STXBP5: variants seen among roughly 807,000 people sequenced by gnomAD.
STXBP5 encodes syntaxin binding protein 5, also known as syntaxin-binding protein 5.
Under a neutral mutation model 152.4 loss-of-function variants are expected in STXBP5, and 50 were observed. The observed-to-expected ratio is 0.33, with a 90% CI of 0.26 to 0.42. The LOEUF (loss-of-function observed/expected upper bound fraction) is 0.42. STXBP5 is among the 10% of genes least tolerant of loss of function. The probability of loss-of-function intolerance (pLI) is 1.00; values close to 1 mark genes in which losing one functional copy is unlikely to be tolerated. For synonymous variants in STXBP5, 492 were observed against 494.7 expected (o/e 0.99, Z 0.07); for missense variants, 1,167 against 1,388.6 (o/e 0.84, Z 2.54).
chr6:147,259,336 G>A (rs1207754091), intron 4 of STXBP5, among the ~76,000 whole-genome samples: 1 of 152,148 alleles, frequency 6.6e-6, no homozygotes, highest in Non-Finnish European at 1.5e-5. Context: ...TATTGAGAAA[G>A]TGAGCCTTGT....
In STXBP5 at chr6:147,234,170, G is replaced by A. The variant is rs1267833992; in HGVS notation, c.249-1080G>A. 2.6e-5 allele frequency among the ~76,000 whole-genome samples: 4 copies of A among 151,786 alleles called. No homozygotes were observed. In the East Asian group the frequency reaches 7.7e-4, roughly 29 times the overall value. ...TACCTGAATGTGAATTTATATACTG[G>A]CAACTATAATTTTATTAAATCCCAC... On this transcript the variant is annotated intron_variant, in intron 2 of 27. Coordinates refer to ENST00000321680, the MANE Select transcript of STXBP5 (RefSeq NM_001127715.4).
At chr6:147,367,303 A>G (rs572920935) in intron 25 of STXBP5, among the ~76,000 whole-genome samples, 2 of 152,334 alleles carry the variant, frequency 1.3e-5, no homozygotes, top group African/African-American at 2.4e-5. Context: ...ATATTAGGAA[A>G]GAAGGAGGTC....
intron 21 of STXBP5, among the ~76,000 whole-genome samples, chr6:147,341,638 G>A (rs1006194686): frequency 1.3e-5 from 2 of 151,988 alleles, no homozygotes; most frequent in African/African-American, 2.4e-5. Flanking sequence ...CCTGTTCTTC[G>A]AGAGTAACTG....
intron 4 of STXBP5, among the ~76,000 whole-genome samples, chr6:147,259,779 A>G (rs952873502): frequency 6.6e-6 from 1 of 151,756 alleles, no homozygotes; most frequent in African/African-American, 2.4e-5. Flanking sequence ...TTCACAAGAT[A>G]CCTTTTTTTT....
In STXBP5 at chr6:147,213,477, T is replaced by TGTGCGC; in HGVS notation, c.248+7410_248+7411insTGCGCG. On this transcript the variant is annotated intron_variant, in intron 2 of 27. Coordinates refer to ENST00000321680, the MANE Select transcript of STXBP5 (RefSeq NM_001127715.4). Reference sequence around the variant, plus strand: ...GTGTGTGTGTGTGTGTGTGTGTGTGTGCGCGCGCATATATATATTTTTTCT... The same window carrying TGTGCGC: ...GTGTGTGTGTGTGTGTGTGTGTGTGTGTGCGCGCGCGCGCATATATATATTTTTTCT... Among the ~76,000 whole-genome samples, 267 of 131,300 alleles carry TGTGCGC rather than the reference T, an allele frequency of 2.0e-3. 1 individual carries two copies. Among genetic ancestry groups the TGTGCGC allele is most frequent in the African/African-American group, 6.8e-3 (212 of 31,344 alleles). The allele number at this position is 131,300 out of a possible 152,430, so 86.1% of individuals were successfully genotyped here. A position where few individuals can be genotyped will look rare whatever the true frequency, so the allele number is the denominator to read the frequency against.
At position 147,206,584 on chromosome 6, in the gene STXBP5, G is replaced by GT. The variant is rs143404211; in HGVS notation, c.248+518dup. 8.5e-3 allele frequency among the ~76,000 whole-genome samples: 1,298 copies of GT among 152,192 alleles called. 23 individuals carry two copies. The highest frequency in any genetic ancestry group is 0.029 in the African/African-American group (1,196 of 41,544). Reference sequence around the variant, plus strand: ...AATTTTCTATGAATAGTTATAAATGGTTAATATTTCTACCAGTTTTTAGAG... The same window carrying GT: ...AATTTTCTATGAATAGTTATAAATGGTTTAATATTTCTACCAGTTTTTAGAG... On this transcript the variant is annotated intron_variant, in intron 2 of 27. Coordinates refer to ENST00000321680, the MANE Select transcript of STXBP5 (RefSeq NM_001127715.4).
intron 2 of STXBP5, among the ~76,000 whole-genome samples, chr6:147,224,655 TTAG>T (rs1360713850): frequency 1.3e-5 from 2 of 152,196 alleles, no homozygotes; most frequent in Admixed American, 1.3e-4. Context: ...TTTTTTATCA[TTAG>T]TAGGATAAAT....
intron 2 of STXBP5, among the ~76,000 whole-genome samples, chr6:147,234,824 A>T (rs762390576): frequency 6.6e-6 from 1 of 152,016 alleles, no homozygotes; most frequent in Admixed American, 6.6e-5. Context: ...AATCATTACT[A>T]TTCCTAAAAG....
At chr6:147,261,516 C>G (rs1004687359) in intron 5 of STXBP5, among the ~76,000 whole-genome samples, 1 of 151,864 alleles carries the variant, frequency 6.6e-6, no homozygotes, top group African/African-American at 2.4e-5. Flanking sequence ...TGGTATTTAC[C>G]TCTTTTTGAG....
intron 8 of STXBP5, among the ~76,000 whole-genome samples, chr6:147,289,407 A>G (rs1045248574): frequency 6.6e-6 from 1 of 152,212 alleles, no homozygotes; most frequent in Non-Finnish European, 1.5e-5. Context: ...TTATAAATTA[A>G]TTTTGGAAGA....
chr6:147,212,735 C>G (rs1055388247), intron 2 of STXBP5, among the ~76,000 whole-genome samples: 1 of 152,132 alleles, frequency 6.6e-6, no homozygotes, highest in Admixed American at 6.5e-5. Flanking sequence ...TAATCCAAGT[C>G]AGTAGAAGCA....
chr6:147,252,979 A>C (rs935398713), intron 4 of STXBP5, among the ~76,000 whole-genome samples: 1 of 152,208 alleles, frequency 6.6e-6, no homozygotes. Context: ...CATCACCCTG[A>C]TACCACAACC....
intron 7 of STXBP5, among the ~76,000 whole-genome samples, chr6:147,275,446 G>T (rs1337303936): frequency 7.0e-6 from 1 of 143,284 alleles, no homozygotes; most frequent in East Asian, 2.1e-4. Context: ...TTTATTTATT[G>T]TGTTCTATTT....
intron 1 of STXBP5, 123 bp from the exon 2 acceptor site, chr6:147,205,846 TAA>T: frequency 1.7e-6 from 1 of 577,882 alleles, no homozygotes; most frequent in African/African-American, 1.9e-5. Context: ...TCAAAAGCAG[TAA>T]GTGCATGTGT....
intron 16 of STXBP5, 150 bp from the exon 17 acceptor site, chr6:147,324,809 C>A: frequency 1.5e-6 from 1 of 665,694 alleles, no homozygotes; most frequent in East Asian, 3.6e-5. Flanking sequence ...ATACTTAGTC[C>A]CTCCAACTAG....
At position 147,267,106 on chromosome 6, in the gene STXBP5, G is replaced by C. The variant is rs758299090; in HGVS notation, c.653G>C (p.Gly218Ala). The C allele has an allele frequency of 6.2e-7, 1 of 1,611,422 alleles. No individual in the cohort carries two copies. The highest frequency in any genetic ancestry group is 8.5e-7 in the Non-Finnish European group (1 of 1,178,998). Reference sequence around the variant, plus strand: ...CAGCTTTTGATTGGCTTTGAATCTGGAACAGTAGTTTTATGGGACCTCAAA... The same window carrying C: ...CAGCTTTTGATTGGCTTTGAATCTGCAACAGTAGTTTTATGGGACCTCAAA... ...EGKLLIGFESGTVVLWDLKSK... is the reference protein window; with the variant it reads ...EGKLLIGFESATVVLWDLKSK... Residue 218 changes from glycine to alanine, a missense_variant, in exon 7 of 28, where the codon GGA becomes GCA. This residue lies in a region of STXBP5 where 310 missense variants were observed against 346.1 expected (regional missense o/e 0.90). Coordinates refer to ENST00000321680, the MANE Select transcript of STXBP5 (RefSeq NM_001127715.4).
In STXBP5 at chr6:147,214,274, A is replaced by T. The variant is rs186640853; in HGVS notation, c.248+8206A>T. 3.2e-4 allele frequency among the ~76,000 whole-genome samples: 48 copies of T among 152,310 alleles called. 1 individual carries two copies. Among genetic ancestry groups the T allele is most frequent in the African/African-American group, 1.1e-3 (47 of 41,564 alleles). The stretch of plus-strand genomic sequence containing the variant: ...ATTTCTGAATAAGTATATTGCCATC[A>T]TCTACTTTCAGATTTAGCAATTCTA... On this transcript the variant is annotated intron_variant, in intron 2 of 27. Transcript: ENST00000321680.
In STXBP5 at chr6:147,386,909, A is replaced by G. The variant is rs1002481793; in HGVS notation, c.*2154A>G. ...ATTTTGTGTTATATAACACAAATAT[A>G]TTTGTATATTAACTTCATTTTTACT... On this transcript the variant is annotated 3_prime_UTR_variant, in exon 28 of 28. Transcript: ENST00000321680. The G allele has an allele frequency of 2.0e-5, 3 of 151,778 alleles. No individual in the cohort carries two copies. Among genetic ancestry groups the G allele is most frequent in the African/African-American group, 7.2e-5 (3 of 41,428 alleles). The allele number at this position is 151,778 out of a possible 1,614,324, so 9.4% of individuals were successfully genotyped here.
rs1244796522 is a variant in STXBP5, at chr6:147,339,341, G to A, written c.2211G>A (p.Lys737=). 3 of 1,502,396 alleles carry A rather than the reference G, an allele frequency of 2.0e-6. No homozygotes were observed. The highest frequency in any genetic ancestry group is 2.6e-6 in the Non-Finnish European group (3 of 1,132,832). 93.1% of individuals were successfully genotyped at this position (1,502,396 alleles called of 1,614,324 possible). Residue 737 remains lysine (K), a synonymous_variant, in exon 21 of 28, where the codon AAG becomes AAA. Transcript: ENST00000321680. ...QKMNNFIEKV[K]TKSRKFSKMV... ...ATATCAAAATATTGTTTTCAGTGAA[G>A]ACCAAAAGCAGAAAGTTTTCCAAGA...
Sources: allele counts gnomAD v4.1 joint callset (sites outside exome capture counted in the v4.1 genomes callset), GRCh38; gene constraint gnomAD v4.1.1; regional missense constraint gnomAD v4.1.1; transcripts MANE v1.5; gene names NCBI Gene and HGNC (gene_info 2026-07-23, HGNC 2026-07-21).